Variants in NTM observed in about 807,000 individuals in gnomAD.
The protein encoded by NTM is neurotrimin.
Under a neutral mutation model 42.1 loss-of-function variants are expected in NTM, and 13 were observed. The ratio of observed to expected loss-of-function variants is 0.31; its 90% CI spans 0.20 to 0.49. The LOEUF is 0.49. NTM is among the 20% of genes least tolerant of loss of function. The probability of loss-of-function intolerance (pLI) is 0.99; values close to 1 mark genes in which losing one functional copy is unlikely to be tolerated. For synonymous variants in NTM, 187 were observed against 179.2 expected (o/e 1.04, Z -0.35); for missense variants, 373 against 452.8 (o/e 0.82, Z 1.60).
At chr11:132,194,216 C>T (rs2079794893) in intron 3 of NTM, among the ~76,000 whole-genome samples, 1 of 152,146 alleles carries the variant, frequency 6.6e-6, no homozygotes, top group African/African-American at 2.4e-5. Context: ...CAAAAATCCT[C>T]AGCAAAATAC....
chr11:131,935,572 G>T (rs564814140), intron 2 of NTM, among the ~76,000 whole-genome samples: 5 of 152,156 alleles, frequency 3.3e-5, no homozygotes, highest in African/African-American at 1.2e-4. Flanking sequence ...AGATAATTAG[G>T]GTTAAGAGAA....
intron 2 of NTM, among the ~76,000 whole-genome samples, chr11:132,137,522 A>G (rs1470353929): frequency 6.6e-6 from 1 of 152,190 alleles, no homozygotes; most frequent in African/African-American, 2.4e-5. Context: ...ACGAACCTGT[A>G]ATAGTCAGGG....
intron 4 of NTM, among the ~76,000 whole-genome samples, chr11:132,232,128 C>T (rs1352004401): frequency 1.3e-5 from 2 of 152,234 alleles, no homozygotes; most frequent in Non-Finnish European, 2.9e-5. Context: ...CCTGGGAGAG[C>T]TCTGCAGCTG....
intron 3 of NTM, among the ~76,000 whole-genome samples, chr11:132,157,935 A>G (rs1429293942): frequency 6.6e-6 from 1 of 152,130 alleles, no homozygotes; most frequent in Non-Finnish European, 1.5e-5. Context: ...TCGGAGGTTT[A>G]TCCAGTCCTG....
rs529462158 is a variant in NTM, at chr11:131,733,724, T to TGG, written c.83-177834_83-177833dup. ...CTAATTTTTGTATCTTTAGTAGAGA[T>TGG]GGGGGGGTTTGCCATGATGGCCAGG... On this transcript the variant is annotated intron_variant, in intron 1 of 8. Coordinates refer to ENST00000683400, the MANE Select transcript of NTM (RefSeq NM_001352005.2). Among the ~76,000 whole-genome samples, 267 of 151,990 alleles carry TGG rather than the reference T, an allele frequency of 1.8e-3. 1 individual carries two copies. Among genetic ancestry groups the TGG allele is most frequent in the African/African-American group, 6.3e-3 (261 of 41,478 alleles).
chr11:131,633,475 G>T (rs2063871764), intron 1 of NTM, among the ~76,000 whole-genome samples: 1 of 152,112 alleles, frequency 6.6e-6, no homozygotes, highest in Non-Finnish European at 1.5e-5. Flanking sequence ...GTCTTCAAAG[G>T]AGTTTCAGTT....
At chr11:132,205,648 A>G (rs1430296246) in intron 3 of NTM, among the ~76,000 whole-genome samples, 2 of 152,158 alleles carry the variant, frequency 1.3e-5, no homozygotes, top group Non-Finnish European at 2.9e-5. Context: ...CTCAGAAGCC[A>G]GGAGGCACCA....
At chr11:132,058,959 A>T (rs1282631924) in intron 2 of NTM, among the ~76,000 whole-genome samples, 1 of 152,236 alleles carries the variant, frequency 6.6e-6, no homozygotes, top group Non-Finnish European at 1.5e-5. Context: ...AGGAGGAGTG[A>T]GAGGGAATTC....
intron 1 of NTM, among the ~76,000 whole-genome samples, chr11:131,500,708 A>G (rs60733103): frequency 0.16 from 22,247 of 137,688 alleles, 2,528 homozygotes; most frequent in East Asian, 0.34. Context: ...TACATTAGCT[A>G]TATCTCCTAA....
chr11:132,119,155 C>T (rs149872675), intron 2 of NTM, among the ~76,000 whole-genome samples: 2 of 152,196 alleles, frequency 1.3e-5, no homozygotes, highest in Non-Finnish European at 2.9e-5. Flanking sequence ...GTGTCTGGAG[C>T]TTATTCCCAG....
At chr11:132,086,227 G>T (rs571822911) in intron 2 of NTM, among the ~76,000 whole-genome samples, 1 of 151,426 alleles carries the variant, frequency 6.6e-6, no homozygotes, top group South Asian at 2.1e-4. Flanking sequence ...GGGAGGCTGA[G>T]GCAGGAAAAT....
chr11:131,724,717 C>G (rs1025333417), intron 1 of NTM, among the ~76,000 whole-genome samples: 1 of 152,140 alleles, frequency 6.6e-6, no homozygotes, highest in Admixed American at 6.5e-5. Flanking sequence ...CGACAAGGCC[C>G]GGCAGAAGGG....
intron 2 of NTM, among the ~76,000 whole-genome samples, chr11:132,071,333 A>G (rs1230009952): frequency 3.1e-4 from 43 of 137,586 alleles, no homozygotes; most frequent in Middle Eastern, 4.1e-3. Context: ...ATCACAGGTT[A>G]GTTAACACGT....
chr11:132,220,695 A>G (rs916976406), intron 4 of NTM, among the ~76,000 whole-genome samples: 39 of 152,184 alleles, frequency 2.6e-4, no homozygotes, highest in African/African-American at 9.4e-4. Flanking sequence ...TGCTAACAGC[A>G]TCCTCCCCCA....
chr11:132,318,520 T>C (rs1360662859), intron 7 of NTM, among the ~76,000 whole-genome samples: 1 of 152,126 alleles, frequency 6.6e-6, no homozygotes, highest in Non-Finnish European at 1.5e-5. Flanking sequence ...CCCCTGCAAA[T>C]ATCTCCCGCG....
At chr11:131,841,569 T>C (rs1320784900) in intron 1 of NTM, among the ~76,000 whole-genome samples, 1 of 152,138 alleles carries the variant, frequency 6.6e-6, no homozygotes, top group East Asian at 1.9e-4. Flanking sequence ...CCCCAGTATT[T>C]CCAATGTACA....
chr11:131,574,448 G>T (rs2057741584), intron 1 of NTM, among the ~76,000 whole-genome samples: 1 of 152,184 alleles, frequency 6.6e-6, no homozygotes, highest in Admixed American at 6.5e-5. Flanking sequence ...GATGTGACTT[G>T]TCCCAGGTTA....
At chr11:132,185,076 G>T (rs1419949345) in intron 3 of NTM, among the ~76,000 whole-genome samples, 1 of 152,264 alleles carries the variant, frequency 6.6e-6, no homozygotes, top group Non-Finnish European at 1.5e-5. Flanking sequence ...TCTTGAAATT[G>T]TCGTATCTAG....
chr11:131,921,795 A>C (rs1009724947), intron 2 of NTM, among the ~76,000 whole-genome samples: 7 of 152,006 alleles, frequency 4.6e-5, no homozygotes, highest in African/African-American at 1.7e-4. Flanking sequence ...CAGGGTGGAA[A>C]TGCTTGCCCT....
Sources: gnomAD v4.1 joint callset for allele counts (sites outside exome capture counted in the v4.1 genomes callset) on GRCh38, gnomAD v4.1.1 for gene constraint, MANE v1.5 for transcripts, NCBI Gene and HGNC (gene_info 2026-07-23, HGNC 2026-07-21) for gene names.